RFX1: variants seen among roughly 807,000 people sequenced by gnomAD.
The protein encoded by RFX1 is MHC class II regulatory factor RFX1.
A neutral mutation model predicts 119.6 loss-of-function variants in RFX1; 42 were observed. The observed-to-expected ratio is 0.35, with a 90% CI of 0.27 to 0.45. RFX1 has a LOEUF of 0.45. Among genes scored for constraint, RFX1 ranks in the 20% least tolerant of loss-of-function variants. The pLI, the probability that RFX1 is intolerant of heterozygous loss-of-function variation, is 1.00. For synonymous variants in RFX1, 628 were observed against 618.5 expected (o/e 1.02, Z -0.23); for missense variants, 1,118 against 1,368.1 (o/e 0.82, Z 2.88).
intron 2 of RFX1, among the ~76,000 whole-genome samples, chr19:13,992,970 A>G (rs1974853614): frequency 6.6e-6 from 1 of 152,138 alleles, no homozygotes; most frequent in Non-Finnish European, 1.5e-5. Context: ...CATCTCTACA[A>G]AAAATACAAA....
chr19:14,003,460 G>A (rs573196657), intron 1 of RFX1, among the ~76,000 whole-genome samples: 117 of 148,956 alleles, frequency 7.9e-4, no homozygotes, highest in Non-Finnish European at 1.4e-3. Flanking sequence ...TTAAAGCCAC[G>A]AGGGCTCTCA....
At chr19:13,983,077 G>A in intron 4 of RFX1, 110 bp downstream of exon 4, 1 of 825,712 alleles carries the variant, frequency 1.2e-6, no homozygotes, top group East Asian at 2.7e-5. Flanking sequence ...GCCCCTGGAT[G>A]GGGACTCTTC....
Position 13,977,980 on chromosome 19 carries a change from C to A in RFX1, c.929+12G>T. The A allele has an allele frequency of 6.2e-7, 1 of 1,603,188 alleles. No homozygotes were observed. The highest frequency in any genetic ancestry group is 8.5e-7 in the Non-Finnish European group (1 of 1,171,656). On this transcript the variant is annotated intron_variant, in intron 8 of 20. Coordinates refer to ENST00000254325, the MANE Select transcript of RFX1 (RefSeq NM_002918.5). ...ACCTGACTCCCTCACCCACCCCTCTCCCTTCACTTACATGGCACTGGCCGT... is the reference window on the plus strand; with the variant it reads ...ACCTGACTCCCTCACCCACCCCTCTACCTTCACTTACATGGCACTGGCCGT...
chr19:13,983,691 A>G, intron 2 of RFX1, 96 bp from the exon 3 acceptor site: 2 of 1,040,272 alleles, frequency 1.9e-6, no homozygotes, highest in Non-Finnish European at 1.4e-6. Context: ...CCTGAAGCCA[A>G]CCCCCAGCAA....
At chr19:13,975,159 C>A (rs1974216779) in intron 8 of RFX1, among the ~76,000 whole-genome samples, 2 of 151,918 alleles carry the variant, frequency 1.3e-5, no homozygotes, top group South Asian at 2.1e-4. Context: ...AGTTCAAGAC[C>A]AGCCTGGCCA....
chr19:13,992,730 T>G (rs1482060183), intron 2 of RFX1, among the ~76,000 whole-genome samples: 1 of 152,190 alleles, frequency 6.6e-6, no homozygotes, highest in African/African-American at 2.4e-5. Flanking sequence ...GCCAAAAGAC[T>G]GGTGTGTAGC....
At position 13,969,838 on chromosome 19, in the gene RFX1, G is replaced by T; in HGVS notation, c.1496+156C>A. 1 of 670,512 alleles carries T rather than the reference G, an allele frequency of 1.5e-6. No homozygotes were observed. The highest frequency in any genetic ancestry group is 2.0e-5 in the South Asian group (1 of 49,596). 41.5% of individuals were successfully genotyped at this position (670,512 alleles called of 1,614,324 possible). A position where few individuals can be genotyped will look rare whatever the true frequency, so the allele number is the denominator to read the frequency against. On this transcript the variant is annotated intron_variant, in intron 10 of 20. Transcript: ENST00000254325. This position sits in a 1 kb window ranked among gnomAD's most constrained non-coding sequence, Gnocchi z 4.5. Reference sequence around the variant, plus strand: ...AGGTGGAAGGCACCGCCAGTGCAAAGGCCTAGAGTGGGAGTGAGCGGGGCT... The same window carrying T: ...AGGTGGAAGGCACCGCCAGTGCAAATGCCTAGAGTGGGAGTGAGCGGGGCT...
intron 9 of RFX1, among the ~76,000 whole-genome samples, chr19:13,970,721 C>A (rs1157680556): frequency 6.9e-6 from 1 of 144,542 alleles, no homozygotes; most frequent in East Asian, 2.1e-4. Flanking sequence ...GTGGCTCATG[C>A]CTGTAATCCC....
chr19:13,985,022 G>A lies in RFX1; in HGVS notation c.320-1427C>T, dbSNP rs997229101. On this transcript the variant is annotated intron_variant, in intron 2 of 20. Transcript: ENST00000254325. The surrounding 1 kb of genome is among the most constrained non-coding windows in gnomAD (Gnocchi z 4.3). Reference sequence around the variant, plus strand: ...ACTACACGCATGCACCACCATGTCCGGCTAATTTTTGTATTTTTAATAGGG... The same window carrying A: ...ACTACACGCATGCACCACCATGTCCAGCTAATTTTTGTATTTTTAATAGGG... Among the ~76,000 whole-genome samples the A allele has an allele frequency of 3.4e-4, 51 of 152,016 alleles. No homozygotes were observed. Among genetic ancestry groups the A allele is most frequent in the African/African-American group, 1.2e-3 (51 of 41,366 alleles).
chr19:13,969,775 CAG>C lies in RFX1; in HGVS notation c.1496+217_1496+218del. 1 of 474,624 alleles carries C rather than the reference CAG, an allele frequency of 2.1e-6. No individual in the cohort carries two copies. The highest frequency in any genetic ancestry group is 3.7e-6 in the Non-Finnish European group (1 of 269,584). 29.4% of individuals were successfully genotyped at this position (474,624 alleles called of 1,614,324 possible). On this transcript the variant is annotated intron_variant, in intron 10 of 20. Transcript: ENST00000254325. This position sits in a 1 kb window ranked among gnomAD's most constrained non-coding sequence, Gnocchi z 4.5. Reference sequence around the variant, plus strand: ...AGGCTGCAGTTTTAGTTGAGGCAGTCAGGGGACGTGCAAGTAAGGAGGGGTGA... The same window carrying C: ...AGGCTGCAGTTTTAGTTGAGGCAGTCGGGACGTGCAAGTAAGGAGGGGTGA...
intron 2 of RFX1, among the ~76,000 whole-genome samples, chr19:13,988,342 C>A (rs570810747): frequency 5.3e-5 from 8 of 152,236 alleles, no homozygotes; most frequent in African/African-American, 1.9e-4. Context: ...TGAGGGAGTG[C>A]GGGAAGAGCT....
chr19:13,995,897 G>A (rs901744651), intron 1 of RFX1, among the ~76,000 whole-genome samples: 30 of 149,966 alleles, frequency 2.0e-4, no homozygotes, highest in South Asian at 4.2e-4. Context: ...GAGTGGTGGC[G>A]CGCACCTGTA....
Position 13,962,653 on chromosome 19 carries a change from T to C in RFX1, c.*42A>G. 2.8e-6 allele frequency: 2 copies of C among 703,712 alleles called. No homozygotes were observed. Among genetic ancestry groups the C allele is most frequent in the Non-Finnish European group, 3.2e-6 (2 of 615,598 alleles). 43.6% of individuals were successfully genotyped at this position (703,712 alleles called of 1,614,324 possible). A position where few individuals can be genotyped will look rare whatever the true frequency, so the allele number is the denominator to read the frequency against. On this transcript the variant is annotated 3_prime_UTR_variant, in exon 21 of 21. Transcript: ENST00000254325. ...ACAGAAGCTTTGAGGGACCCTGGCGTGGAGGGGTGGCGGGGGCGGGTGGGG... is the reference window on the plus strand; with the variant it reads ...ACAGAAGCTTTGAGGGACCCTGGCGCGGAGGGGTGGCGGGGGCGGGTGGGG...
At chr19:14,004,800 G>A (rs373298220) in intron 1 of RFX1, among the ~76,000 whole-genome samples, 1 of 152,060 alleles carries the variant, frequency 6.6e-6, no homozygotes, top group Admixed American at 6.6e-5. Flanking sequence ...AAAGCAAGAC[G>A]GAGAATAAGC....
Position 13,965,401 on chromosome 19 carries a change from A to T in RFX1, c.2211+48T>A. The T allele has an allele frequency of 6.5e-7, 1 of 1,527,376 alleles. No homozygotes were observed. Among genetic ancestry groups the T allele is most frequent in the Non-Finnish European group, 9.0e-7 (1 of 1,105,038 alleles). The allele number at this position is 1,527,376 out of a possible 1,614,324, so 94.6% of individuals were successfully genotyped here. The stretch of plus-strand genomic sequence containing the variant: ...CGCCCCTGGGGAGCAGAGGAGACGG[A>T]GGCCTAAGCCCCAGAGATAGGAGAA... On this transcript the variant is annotated intron_variant, in intron 16 of 20. Transcript: ENST00000254325. This position sits in a 1 kb window ranked among gnomAD's most constrained non-coding sequence, Gnocchi z 4.7.
rs1419047533 is a variant in RFX1, at chr19:13,969,023, C to T, written c.1497-129G>A. On this transcript the variant is annotated intron_variant, in intron 10 of 20. Coordinates refer to ENST00000254325, the MANE Select transcript of RFX1 (RefSeq NM_002918.5). This position sits in a 1 kb window ranked among gnomAD's most constrained non-coding sequence, Gnocchi z 4.5. ...TAGAGAGACGCCTGCCCTGCAGAGA[C>T]GGGGGTGCTGCACTGAGGAGGCACA... 32 of 1,087,016 alleles carry T rather than the reference C, an allele frequency of 2.9e-5. No homozygotes were observed. The highest frequency in any genetic ancestry group is 3.9e-5 in the Non-Finnish European group (30 of 767,980). The allele number at this position is 1,087,016 out of a possible 1,614,324, so 67.3% of individuals were successfully genotyped here.
intron 2 of RFX1, among the ~76,000 whole-genome samples, chr19:13,989,864 G>GC (rs993800566): frequency 1.2e-4 from 2 of 16,328 alleles, no homozygotes; most frequent in Admixed American, 1.0e-3. Flanking sequence ...GGAAGAGGCG[G>GC]GGGGGGTTCT....
intron 1 of RFX1, among the ~76,000 whole-genome samples, chr19:13,994,810 GTA>G (rs539465254): frequency 8.0e-6 from 1 of 125,038 alleles, no homozygotes; most frequent in South Asian, 2.6e-4. Context: ...TACATATATA[GTA>G]TATATATACA....
chr19:14,006,655 T>A (rs967416699), upstream of RFX1: 6 of 152,276 alleles, frequency 3.9e-5, no homozygotes, highest in Non-Finnish European at 8.8e-5. Context: ...ACCAAAGGTT[T>A]GCCGCGCTCT....
Sources: allele counts gnomAD v4.1 joint callset (sites outside exome capture counted in the v4.1 genomes callset), GRCh38; gene constraint gnomAD v4.1.1; non-coding constraint Gnocchi (gnomAD v3.1); transcripts MANE v1.5; gene names NCBI Gene and HGNC (gene_info 2026-07-23, HGNC 2026-07-21).